CDH13: variants seen among roughly 807,000 people sequenced by gnomAD.
The protein encoded by CDH13 is cadherin 13.
CDH13 carries 24 observed loss-of-function variants against 63.8 expected under a neutral mutation model. The ratio of observed to expected loss-of-function variants is 0.38; its 90% CI spans 0.27 to 0.53. The LOEUF is 0.53. CDH13 is among the 20% of genes least tolerant of loss of function. The probability of loss-of-function intolerance (pLI) is 0.85; values close to 1 mark genes in which losing one functional copy is unlikely to be tolerated. For synonymous variants in CDH13, 503 were observed against 355.3 expected, an observed-to-expected ratio of 1.42 and a Z score of -4.67; for missense variants, 1,049 against 903.1, an observed-to-expected ratio of 1.16 and a Z score of -2.07.
At chr16:83,223,182 G>C (rs964190522) in intron 5 of CDH13, among the ~76,000 whole-genome samples, 5 of 152,228 alleles carry the variant, frequency 3.3e-5, no homozygotes, top group African/African-American at 1.2e-4. Context: ...GTCATTTCTA[G>C]AGGATGGACA....
chr16:83,168,052 G>T (rs752687754), intron 4 of CDH13, among the ~76,000 whole-genome samples: 1 of 152,076 alleles, frequency 6.6e-6, no homozygotes, highest in Middle Eastern at 3.4e-3. Flanking sequence ...CTACTAGAGT[G>T]GGGAGGGAAA....
intron 10 of CDH13, among the ~76,000 whole-genome samples, chr16:83,712,193 A>C (rs1908165804): frequency 6.6e-6 from 1 of 152,204 alleles, no homozygotes; most frequent in Non-Finnish European, 1.5e-5. Flanking sequence ...TATTTGGGGA[A>C]ACACAATTCA....
chr16:83,098,779 A>C (rs577042796), intron 3 of CDH13, among the ~76,000 whole-genome samples: 1 of 152,266 alleles, frequency 6.6e-6, no homozygotes, highest in Non-Finnish European at 1.5e-5. Context: ...AGCTGCTCTC[A>C]AGAATTTATT....
At chr16:83,674,239 G>A (rs1391012688) in intron 9 of CDH13, among the ~76,000 whole-genome samples, 2 of 152,188 alleles carry the variant, frequency 1.3e-5, no homozygotes, top group Non-Finnish European at 2.9e-5. Context: ...GTCCAGGATT[G>A]GCCAACAGTT....
chr16:83,735,402 T>C (rs1288768000), intron 10 of CDH13: 1 of 152,210 alleles, frequency 6.6e-6, no homozygotes, highest in African/African-American at 2.4e-5. Context: ...TGTCATGGAT[T>C]TACTTATGAT....
intron 1 of CDH13, chr16:82,826,037 A>C (rs758287472): frequency 6.6e-6 from 1 of 151,738 alleles, no homozygotes; most frequent in Non-Finnish European, 1.5e-5. Context: ...GTATTTTTTT[A>C]GTAGAGTCGG....
intron 11 of CDH13, among the ~76,000 whole-genome samples, chr16:83,752,970 G>A (rs1260870894): frequency 2.0e-5 from 3 of 152,142 alleles, no homozygotes; most frequent in Non-Finnish European, 2.9e-5. Context: ...GCTAATATCA[G>A]ACACGGAAAT....
At chr16:83,323,174 T>TTCTTTCTTTCTTTCTTTC (rs1555530163) in intron 5 of CDH13, among the ~76,000 whole-genome samples, 1 of 82,256 alleles carries the variant, frequency 1.2e-5, no homozygotes. Flanking sequence ...TCTCTTTCTT[T>TTCTTTCTTTCTTTCTTTC]TTTCTTTCTT....
At chr16:83,607,862 A>G (rs980659249) in intron 8 of CDH13, among the ~76,000 whole-genome samples, 1 of 152,156 alleles carries the variant, frequency 6.6e-6, no homozygotes, top group Non-Finnish European at 1.5e-5. Flanking sequence ...TATACATGAA[A>G]ACTTCAGCAG....
intron 6 of CDH13, among the ~76,000 whole-genome samples, chr16:83,380,927 GC>G (rs2091555565): frequency 6.6e-6 from 1 of 150,574 alleles, no homozygotes; most frequent in South Asian, 2.1e-4. Flanking sequence ...CATCCTCACT[GC>G]CCTCCCTCCC....
At chr16:82,836,049 TC>T (rs2038753567) in intron 1 of CDH13, among the ~76,000 whole-genome samples, 1 of 152,202 alleles carries the variant, frequency 6.6e-6, no homozygotes, top group Admixed American at 6.5e-5. Context: ...AATGCATTCT[TC>T]CCATATGGCT....
At chr16:83,006,915 TG>T (rs1156492276) in intron 2 of CDH13, among the ~76,000 whole-genome samples, 29 of 127,766 alleles carry the variant, frequency 2.3e-4, no homozygotes, top group African/African-American at 7.2e-4. Context: ...TTTGTTTGTT[TG>T]TTTGTTTGTT....
intron 10 of CDH13, among the ~76,000 whole-genome samples, chr16:83,696,247 C>G (rs536347593): frequency 6.6e-6 from 1 of 152,284 alleles, no homozygotes; most frequent in South Asian, 2.1e-4. Context: ...AGAGAAAACA[C>G]TATTTTTTTA....
At chr16:83,032,905 C>T (rs1043765365) in intron 3 of CDH13, among the ~76,000 whole-genome samples, 2 of 152,004 alleles carry the variant, frequency 1.3e-5, no homozygotes, top group African/African-American at 4.8e-5. Context: ...AAAAGGTGAC[C>T]CACTAGAATT....
intron 8 of CDH13, among the ~76,000 whole-genome samples, chr16:83,648,868 A>C (rs928005507): frequency 1.3e-5 from 2 of 150,686 alleles, no homozygotes; most frequent in Admixed American, 6.6e-5. Context: ...CTCTTTTCCT[A>C]ACTTTTTTGC....
intron 2 of CDH13, among the ~76,000 whole-genome samples, chr16:82,983,138 G>C (rs375437558): frequency 1.4e-4 from 22 of 152,130 alleles, no homozygotes; most frequent in African/African-American, 5.3e-4. Flanking sequence ...ATCTGTTTCT[G>C]GGAATCTTCA....
chr16:83,004,151 A>G (rs1913229629), intron 2 of CDH13, among the ~76,000 whole-genome samples: 2 of 152,212 alleles, frequency 1.3e-5, no homozygotes, highest in East Asian at 1.9e-4. Context: ...GCAGAAACCT[A>G]CAGCCCCAGG....
chr16:83,611,502 TG>T (rs1214870683), intron 8 of CDH13, among the ~76,000 whole-genome samples: 1 of 152,114 alleles, frequency 6.6e-6, no homozygotes, highest in Non-Finnish European at 1.5e-5. Flanking sequence ...AACTACTTTT[TG>T]TTTTGTGGAT....
At chr16:83,262,775 T>G (rs1389187710) in intron 5 of CDH13, among the ~76,000 whole-genome samples, 2 of 152,256 alleles carry the variant, frequency 1.3e-5, no homozygotes, top group Non-Finnish European at 2.9e-5. Context: ...CAACAGTGTT[T>G]CTTTGGCAGA....
Sources: gnomAD v4.1 joint callset for allele counts (sites outside exome capture counted in the v4.1 genomes callset) on GRCh38, gnomAD v4.1.1 for gene constraint, MANE v1.5 for transcripts, NCBI Gene and HGNC (gene_info 2026-07-23, HGNC 2026-07-21) for gene names.